Variants in BRI3 observed in about 807,000 individuals in gnomAD.
The protein encoded by BRI3 is brain protein I3.
BRI3 carries 6 observed loss-of-function variants against 12.8 expected under a neutral mutation model. The observed-to-expected ratio is 0.47, with a 90% confidence interval of 0.26 to 0.93. The LOEUF (loss-of-function observed/expected upper bound fraction) is 0.93, where lower values mean the gene tolerates loss of function less well. BRI3 is among the 40% of genes least tolerant of loss of function. The pLI is 0.15. For synonymous variants in BRI3, 91 were observed against 76.1 expected (o/e 1.20, Z -1.02); for missense variants, 134 against 171.1 (o/e 0.78, Z 1.21).
downstream of BRI3, among the ~76,000 whole-genome samples, chr7:98,297,320 T>C (rs1800234156): frequency 6.6e-6 from 1 of 152,186 alleles, no homozygotes; most frequent in Non-Finnish European, 1.5e-5. Context: ...CACATAGCCA[T>C]GCGCCCAGGT....
intron 2 of BRI3, among the ~76,000 whole-genome samples, chr7:98,283,272 T>C (rs1799592900): frequency 6.6e-6 from 1 of 152,080 alleles, no homozygotes; most frequent in Admixed American, 6.6e-5. Flanking sequence ...TAAGAAACCC[T>C]GGTTTGGACT....
upstream of BRI3, among the ~76,000 whole-genome samples, chr7:98,301,822 G>GT (rs1203763613): frequency 6.6e-6 from 1 of 152,214 alleles, no homozygotes; most frequent in Non-Finnish European, 1.5e-5. Context: ...AAGCTCGCGG[G>GT]TGTGAGCTGA....
chr7:98,307,650 C>G lies in BRI3; in HGVS notation n.280C>G, dbSNP rs1479910826. 1.9e-6 allele frequency: 3 copies of G among 1,608,248 alleles called. No individual in the cohort carries two copies. In the East Asian group the frequency reaches 6.7e-5, roughly 36 times the overall value. ...CTTGGCTGCTCTGGAAGGGAGGGGC[C>G]GTCTGGTGCCCTGCGGGGACCATCA... On this transcript the variant is annotated non_coding_transcript_exon_variant, in exon 2 of 2. Coordinates refer to the BRI3 transcript ENST00000485422.
At chr7:98,290,960 G>GT (rs1799918810) in intron 2 of BRI3, 151 bp from the exon 3 acceptor site, 1 of 825,078 alleles carries the variant, frequency 1.2e-6, no homozygotes, top group African/African-American at 1.8e-5. Flanking sequence ...TAGCTGGGTG[G>GT]TGGGGTGGGG....
At chr7:98,308,031 C>G (rs1480858687) in exon 2 of BRI3, 5 of 857,756 alleles carry the variant, frequency 5.8e-6, no homozygotes, top group Non-Finnish European at 9.7e-6. Flanking sequence ...TGACCCTGTC[C>G]TATTTCCTCG....
chr7:98,302,805 A>AT (rs1034483937), upstream of BRI3, among the ~76,000 whole-genome samples: 3 of 152,090 alleles, frequency 2.0e-5, no homozygotes, highest in African/African-American at 7.2e-5. Context: ...TTCTTTTTTT[A>AT]TGAGACAGGG....
downstream of BRI3, chr7:98,315,384 C>T (rs368389931): frequency 2.4e-5 from 31 of 1,280,306 alleles, no homozygotes; most frequent in East Asian, 1.4e-4. Context: ...GCGTGGGCCA[C>T]GGCCCAGCCT....
chr7:98,286,227 G>A (rs1799706802), intron 2 of BRI3, among the ~76,000 whole-genome samples: 1 of 152,180 alleles, frequency 6.6e-6, no homozygotes, highest in Non-Finnish European at 1.5e-5. Flanking sequence ...GGCGAGGATG[G>A]CCTTCTCCCT....
chr7:98,293,503 G>A, downstream of BRI3: 1 of 1,608,906 alleles, frequency 6.2e-7, no homozygotes, highest in South Asian at 1.1e-5. Context: ...AGGCCCGGGA[G>A]AGTCCTTGGC....
chr7:98,299,674 G>A (rs1314174761), intron 1 of BRI3, among the ~76,000 whole-genome samples: 1 of 152,212 alleles, frequency 6.6e-6, no homozygotes, highest in Non-Finnish European at 1.5e-5. Context: ...GTTTTTAAAT[G>A]GAACACTGTA....
downstream of BRI3, chr7:98,294,229 G>A (rs1166137445): frequency 2.9e-6 from 3 of 1,037,062 alleles, no homozygotes; most frequent in African/African-American, 1.6e-5. Context: ...CTGAGCTCAC[G>A]TGATCCTTCC....
At chr7:98,301,015 G>A (rs1348929710) in intron 1 of BRI3, among the ~76,000 whole-genome samples, 1 of 152,136 alleles carries the variant, frequency 6.6e-6, no homozygotes, top group Non-Finnish European at 1.5e-5. Flanking sequence ...ACCCCTGCGT[G>A]GGTCTCATTC....
intron 1 of BRI3, among the ~76,000 whole-genome samples, chr7:98,298,773 G>C (rs755859466): frequency 7.2e-5 from 11 of 152,160 alleles, no homozygotes; most frequent in Admixed American, 3.9e-4. Context: ...AAAAGGCTGA[G>C]ACACATAATT....
chr7:98,307,544 A>C (rs1049504093), exon 2 of BRI3: 14 of 1,461,362 alleles, frequency 9.6e-6, no homozygotes, highest in Non-Finnish European at 1.3e-5. Context: ...GGATCGAATA[A>C]CTTCAGTTAA....
downstream of BRI3, chr7:98,294,013 G>A (rs1800078189): frequency 6.4e-7 from 1 of 1,571,718 alleles, no homozygotes; most frequent in Non-Finnish European, 8.7e-7. Flanking sequence ...GGCCCTTCCG[G>A]GGGACACTAC....
At chr7:98,313,138 AC>A (rs1800934215), downstream of BRI3, among the ~76,000 whole-genome samples, 1 of 14,102 alleles carries the variant, frequency 7.1e-5, no homozygotes, top group South Asian at 1.5e-3. Flanking sequence ...CCCACCCCCA[AC>A]TGTCACCCCA....
At chr7:98,318,157 T>TG in the BRI3 span, among the ~76,000 whole-genome samples, 3 of 152,230 alleles carry the variant, frequency 2.0e-5, no homozygotes, top group Non-Finnish European at 4.4e-5. Context: ...TTTAATGTCT[T>TG]GGCTTTGTTC....
In BRI3 at chr7:98,282,499, A is replaced by T. The variant is rs768025704; in HGVS notation, c.245+46A>T. 1.3e-5 allele frequency: 20 copies of T among 1,514,102 alleles called. No individual in the cohort carries two copies. The East Asian group carries it at 3.9e-4, about 29-fold the overall frequency. The allele number at this position is 1,514,102 out of a possible 1,614,324, so 93.8% of individuals were successfully genotyped here. A position where few individuals can be genotyped will look rare whatever the true frequency, so the allele number is the denominator to read the frequency against. On this transcript the variant is annotated intron_variant, in intron 2 of 2. Coordinates refer to ENST00000297290, the MANE Select transcript of BRI3 (RefSeq NM_015379.5). ...GGGACTGGCCCTGGAAGCTCTGAGG[A>T]CCCCCGCCCTAACCCCCAGGACCTC...
chr7:98,288,640 G>GTA (rs1192162851), intron 2 of BRI3, among the ~76,000 whole-genome samples: 6 of 151,928 alleles, frequency 3.9e-5, no homozygotes, highest in Non-Finnish European at 8.8e-5. Context: ...GAAACACTGG[G>GTA]TATAAGAGTG....
Sources: allele counts gnomAD v4.1 joint callset (sites outside exome capture counted in the v4.1 genomes callset), GRCh38; gene constraint gnomAD v4.1.1; transcripts MANE v1.5; gene names NCBI Gene and HGNC (gene_info 2026-07-23, HGNC 2026-07-21).